ADK: variants seen among roughly 807,000 people sequenced by gnomAD.
The protein encoded by ADK is adenosine kinase.
A neutral mutation model predicts 44.7 loss-of-function variants in ADK; 24 were observed. The ratio of observed to expected loss-of-function variants is 0.54; its 90% CI spans 0.39 to 0.76. The LOEUF (loss-of-function observed/expected upper bound fraction) is 0.76, where lower values mean the gene tolerates loss of function less well. Ranked by LOEUF, ADK falls within the 30% of genes least tolerant of loss-of-function variation. The pLI is 0.00. For missense variants in ADK, 321 were observed against 425.1 expected (o/e 0.76, Z 2.15); for synonymous variants, 128 against 142.6 (o/e 0.90, Z 0.73).
At chr10:74,168,184 A>G (rs976261776) in intron 1 of ADK, among the ~76,000 whole-genome samples, 2 of 152,178 alleles carry the variant, frequency 1.3e-5, no homozygotes, top group African/African-American at 4.8e-5. Flanking sequence ...CCAAATCTGT[A>G]GTGTCTCCTG....
chr10:74,151,721 C>A (rs1432647894), intron 1 of ADK, among the ~76,000 whole-genome samples: 1 of 152,278 alleles, frequency 6.6e-6, no homozygotes, highest in East Asian at 1.9e-4. Flanking sequence ...GAAAGAGGCT[C>A]GGCAACTGCT....
At chr10:74,592,632 A>G (rs554986007) in intron 8 of ADK, among the ~76,000 whole-genome samples, 1 of 152,206 alleles carries the variant, frequency 6.6e-6, no homozygotes, top group Non-Finnish European at 1.5e-5. Context: ...CATAGGGGAA[A>G]CAAAGCAATC....
At chr10:74,197,402 A>C (rs1843196126) in intron 1 of ADK, among the ~76,000 whole-genome samples, 2 of 152,178 alleles carry the variant, frequency 1.3e-5, no homozygotes, top group Non-Finnish European at 2.9e-5. Context: ...AAGCTACCTC[A>C]AGAACTGAGA....
chr10:74,200,784 T>A lies in ADK; in HGVS notation c.86T>A (p.Met29Lys). ...TTTAGAGAAAATATTCTCTTTGGAA[T>A]GGGAAATCCTCTGCTTGACATCTCT... The part of the protein sequence containing the change: ...QALRENILFG[M>K]GNPLLDISAV... Residue 29 changes from methionine to lysine, a missense_variant, in exon 2 of 11, where the codon ATG (methionine) becomes AAG (lysine). Met to Lys is a moderately conservative substitution (Grantham distance 95, BLOSUM62 -1). Coordinates refer to ENST00000539909, the MANE Select transcript of ADK (RefSeq NM_006721.4). The A allele has an allele frequency of 6.2e-7, 1 of 1,611,606 alleles. No homozygotes were observed. Among genetic ancestry groups the A allele is most frequent in the Non-Finnish European group, 8.5e-7 (1 of 1,178,188 alleles).
At chr10:74,495,922 A>T (rs1242020128) in intron 6 of ADK, among the ~76,000 whole-genome samples, 1 of 152,000 alleles carries the variant, frequency 6.6e-6, no homozygotes, top group Non-Finnish European at 1.5e-5. Context: ...AGGCTTTTAT[A>T]CTTTAGCTTT....
intron 4 of ADK, among the ~76,000 whole-genome samples, chr10:74,356,308 G>A (rs1455273422): frequency 2.0e-5 from 3 of 151,988 alleles, no homozygotes; most frequent in Admixed American, 1.3e-4. Flanking sequence ...GTGAGCCACC[G>A]CGCCCGGCCA....
intron 10 of ADK, among the ~76,000 whole-genome samples, chr10:74,687,208 G>A (rs924726639): frequency 1.3e-5 from 2 of 152,214 alleles, no homozygotes; most frequent in Admixed American, 6.5e-5. Flanking sequence ...GATGGTGATT[G>A]TAGGTTCAAG....
chr10:74,570,800 C>T (rs2133855034), intron 7 of ADK, among the ~76,000 whole-genome samples: 1 of 152,166 alleles, frequency 6.6e-6, no homozygotes, highest in Middle Eastern at 3.4e-3. Flanking sequence ...GCCTGATTGC[C>T]CTGGCCAGAA....
intron 1 of ADK, among the ~76,000 whole-genome samples, chr10:74,190,488 A>T (rs910681108): frequency 1.4e-4 from 21 of 152,216 alleles, no homozygotes; most frequent in Non-Finnish European, 2.9e-5. Flanking sequence ...CCCTATGGAC[A>T]TCTCATTCTC....
At chr10:74,708,209 G>T in intron 10 of ADK, 112 bp from the exon 11 acceptor site, 7 of 1,105,890 alleles carry the variant, frequency 6.3e-6, no homozygotes, top group African/African-American at 1.6e-5. Context: ...TTCTCTTACT[G>T]TCAAGGCTGA....
intron 1 of ADK, among the ~76,000 whole-genome samples, chr10:74,166,649 T>G (rs1209539889): frequency 1.5e-5 from 2 of 136,400 alleles, no homozygotes; most frequent in Admixed American, 8.2e-5. Flanking sequence ...ATTGCGCCAC[T>G]GCACTCCAGC....
chr10:74,368,345 A>G (rs1422681784), intron 4 of ADK, among the ~76,000 whole-genome samples: 2 of 151,686 alleles, frequency 1.3e-5, no homozygotes, highest in East Asian at 1.9e-4. Context: ...CTGGGCTCAA[A>G]CAATCCTCCC....
intron 1 of ADK, among the ~76,000 whole-genome samples, chr10:74,182,248 A>ATT (rs11381604): frequency 6.6e-6 from 1 of 151,716 alleles, no homozygotes; most frequent in African/African-American, 2.4e-5. Flanking sequence ...TTACTGCACA[A>ATT]TTTTTTTTAT....
intron 1 of ADK, among the ~76,000 whole-genome samples, chr10:74,161,268 C>T (rs1841888793): frequency 6.6e-6 from 1 of 152,192 alleles, no homozygotes; most frequent in South Asian, 2.1e-4. Context: ...GTGGCATGAT[C>T]TCGGCTCACT....
intron 10 of ADK, among the ~76,000 whole-genome samples, chr10:74,693,637 G>A (rs947422929): frequency 1.3e-5 from 2 of 152,178 alleles, no homozygotes; most frequent in Admixed American, 6.5e-5. Flanking sequence ...GATGCGTACT[G>A]ATTTACTTGG....
intron 1 of ADK, chr10:74,176,641 G>C (rs1417606765): frequency 5.0e-6 from 7 of 1,401,872 alleles, no homozygotes; most frequent in Non-Finnish European, 6.5e-6. Flanking sequence ...GGTGGCCCAC[G>C]GCGTCTGGGG....
intron 3 of ADK, among the ~76,000 whole-genome samples, chr10:74,288,553 G>A (rs1389477300): frequency 6.6e-6 from 1 of 152,092 alleles, no homozygotes; most frequent in Non-Finnish European, 1.5e-5. Context: ...TGGAGGCTGA[G>A]GCAGGAGAAT....
chr10:74,431,203 G>C (rs1190016152), intron 6 of ADK, among the ~76,000 whole-genome samples: 1 of 152,058 alleles, frequency 6.6e-6, no homozygotes, highest in Admixed American at 6.6e-5. Context: ...TTTTCTGATG[G>C]GCTGACAGTT....
intron 6 of ADK, among the ~76,000 whole-genome samples, chr10:74,408,179 G>C (rs1844023584): frequency 6.8e-6 from 1 of 147,946 alleles, no homozygotes; most frequent in Admixed American, 6.7e-5. Context: ...TTTTAGTTGA[G>C]ATGAGGTTTC....
Sources: allele counts gnomAD v4.1 joint callset (sites outside exome capture counted in the v4.1 genomes callset), GRCh38; gene constraint gnomAD v4.1.1; transcripts MANE v1.5; gene names NCBI Gene and HGNC (gene_info 2026-07-23, HGNC 2026-07-21).